The following BLTP3A variants were observed in gnomAD, a reference collection of about 807,000 sequenced individuals.
The protein encoded by BLTP3A is bridge-like lipid transfer protein family member 3A.
chr6:34,817,871 G>T, the BLTP3A span, among the ~76,000 whole-genome samples: 51 of 111,770 alleles, frequency 4.6e-4, no homozygotes, highest in Middle Eastern at 0.019. Flanking sequence ...TTTTTTTTGG[G>T]GGGGTGGAGT....
At chr6:34,794,419 A>G in the BLTP3A span, among the ~76,000 whole-genome samples, 1 of 152,258 alleles carries the variant, frequency 6.6e-6, no homozygotes, top group Non-Finnish European at 1.5e-5. Context: ...TATGTGCTCA[A>G]TAAAACATGA....
chr6:34,820,310 G>C, the BLTP3A span, among the ~76,000 whole-genome samples: 1 of 152,022 alleles, frequency 6.6e-6, no homozygotes, highest in East Asian at 1.9e-4. Context: ...TCCTTTCCTA[G>C]GAAGGAGCTT....
the BLTP3A span, chr6:34,859,093 G>C: frequency 6.2e-7 from 1 of 1,614,196 alleles, no homozygotes; most frequent in Non-Finnish European, 8.5e-7. Flanking sequence ...TCCTTCAGAG[G>C]ATCGGGAACT....
the BLTP3A span, chr6:34,871,594 C>A: frequency 6.2e-7 from 1 of 1,612,836 alleles, no homozygotes; most frequent in Non-Finnish European, 8.5e-7. Context: ...GATGATATCC[C>A]CCCCATCTAT....
chr6:34,845,197 T>G, the BLTP3A span, among the ~76,000 whole-genome samples: 10 of 152,176 alleles, frequency 6.6e-5, no homozygotes, highest in African/African-American at 2.4e-4. Context: ...TCTGAGTTCT[T>G]TATTTTGTTC....
At chr6:34,855,801 G>C in the BLTP3A span, 1 of 1,578,324 alleles carries the variant, frequency 6.3e-7, no homozygotes, top group Non-Finnish European at 8.6e-7. Flanking sequence ...GAGGTTGCCA[G>C]AGATTGCAGT....
the BLTP3A span, among the ~76,000 whole-genome samples, chr6:34,848,697 A>G: frequency 6.7e-6 from 1 of 150,138 alleles, no homozygotes; most frequent in South Asian, 2.1e-4. Flanking sequence ...TTTTCAGTCT[A>G]TTTGTGTCTT....
At chr6:34,861,606 T>A in the BLTP3A span, among the ~76,000 whole-genome samples, 1 of 152,256 alleles carries the variant, frequency 6.6e-6, no homozygotes, top group Non-Finnish European at 1.5e-5. Flanking sequence ...TGTGCACTTG[T>A]GGATGGTTAT....
the BLTP3A span, among the ~76,000 whole-genome samples, chr6:34,861,071 C>T: frequency 6.6e-6 from 1 of 152,150 alleles, no homozygotes; most frequent in Admixed American, 6.5e-5. Flanking sequence ...TTCCTTTTAT[C>T]CTATAGGTGT....
chr6:34,795,581 T>TC, the BLTP3A span, among the ~76,000 whole-genome samples: 2 of 148,728 alleles, frequency 1.3e-5, no homozygotes, highest in East Asian at 4.0e-4. Flanking sequence ...TTTTTTTTTT[T>TC]TAGTAGAGAC....
chr6:34,870,916 C>T, the BLTP3A span: 183 of 1,614,092 alleles, frequency 1.1e-4, no homozygotes, highest in South Asian at 2.3e-4. Flanking sequence ...TGTGGGCCTT[C>T]GCTTTGAGGT....
the BLTP3A span, among the ~76,000 whole-genome samples, chr6:34,794,166 A>AAAC: frequency 2.0e-5 from 3 of 151,850 alleles, no homozygotes; most frequent in African/African-American, 7.3e-5. Context: ...TCAAAAAAAA[A>AAAC]AAAGTATATT....
chr6:34,845,819 G>A, the BLTP3A span, among the ~76,000 whole-genome samples: 2 of 151,842 alleles, frequency 1.3e-5, no homozygotes, highest in Non-Finnish European at 2.9e-5. Flanking sequence ...GGATGGTCTC[G>A]ATCTCCTGAC....
chr6:34,871,079 T>C, the BLTP3A span: 1 of 1,614,046 alleles, frequency 6.2e-7, no homozygotes. Flanking sequence ...GTAGTCCCCA[T>C]GCAGATTGAG....
chr6:34,857,754 A>G, the BLTP3A span: 4 of 1,613,944 alleles, frequency 2.5e-6, no homozygotes, highest in Non-Finnish European at 3.4e-6. Flanking sequence ...ATTCAGTTAA[A>G]TGGTCTGACA....
chr6:34,842,457 A>G, the BLTP3A span, among the ~76,000 whole-genome samples: 1 of 152,180 alleles, frequency 6.6e-6, no homozygotes, highest in African/African-American at 2.4e-5. Flanking sequence ...GCAACCACTA[A>G]TCTATTTTTG....
At chr6:34,799,483 C>G in the BLTP3A span, among the ~76,000 whole-genome samples, 1 of 146,066 alleles carries the variant, frequency 6.8e-6, no homozygotes, top group Non-Finnish European at 1.5e-5. Flanking sequence ...GAGTGAGACC[C>G]TGTCTGGGAA....
the BLTP3A span, among the ~76,000 whole-genome samples, chr6:34,868,495 G>A: frequency 6.6e-6 from 1 of 151,774 alleles, no homozygotes; most frequent in Admixed American, 6.6e-5. Context: ...GGCCCAGGAT[G>A]GTGGATCACT....
the BLTP3A span, among the ~76,000 whole-genome samples, chr6:34,841,116 C>T: frequency 6.6e-6 from 1 of 152,114 alleles, no homozygotes. Flanking sequence ...ACTATAGGCA[C>T]ATGCCACCAA....
Sources: allele counts gnomAD v4.1 joint callset (sites outside exome capture counted in the v4.1 genomes callset), GRCh38; gene constraint gnomAD v4.1.1; transcripts MANE v1.5; gene names NCBI Gene and HGNC (gene_info 2026-07-23, HGNC 2026-07-21).